Variants in NCOA1 observed in about 807,000 individuals in gnomAD.
NCOA1 encodes the protein nuclear receptor coactivator 1, also known as Hin-2 protein.
Under a neutral mutation model 150.9 loss-of-function variants are expected in NCOA1, and 35 were observed. The observed-to-expected ratio is 0.23, with a 90% CI of 0.18 to 0.31. The LOEUF is 0.31. Among genes scored for constraint, NCOA1 ranks in the 10% least tolerant of loss-of-function variants. The pLI is 1.00. For missense variants in NCOA1, 1,491 were observed against 1,749.3 expected, an observed-to-expected ratio of 0.85 and a Z score of 2.63; for synonymous variants, 590 against 630.0, an observed-to-expected ratio of 0.94 and a Z score of 0.95.
intron 7 of NCOA1, among the ~76,000 whole-genome samples, chr2:24,679,186 T>C (rs1672051637): frequency 6.6e-6 from 1 of 152,216 alleles, no homozygotes; most frequent in Admixed American, 6.5e-5. Flanking sequence ...CTCAGATTGA[T>C]TACTGAATGC....
Position 24,707,881 on chromosome 2 carries a change from A to G in NCOA1, c.2411A>G (p.Gln804Arg), listed in dbSNP as rs758160275. The change falls in exon 13 of 23, where the codon CAG (glutamine) becomes CGG (arginine). Residue 804 changes from glutamine to arginine, a missense_variant. Around this residue, in one of 8 missense-constraint regions of NCOA1, gnomAD observed 703 missense variants for 717.7 expected, o/e 0.98. Transcript: ENST00000348332. ...CCTGAGGAAATAAAACTGGAGGCCC[A>G]GAGCCAGGTGGGTAACTGCTTGCTT... is the stretch of plus-strand genomic sequence containing the variant. ...PTPEEIKLEA[Q>R]SQFTADLDQF... 7 of 1,585,048 alleles carry G rather than the reference A, an allele frequency of 4.4e-6. No homozygotes were observed. In the Admixed American group the frequency reaches 1.2e-4, roughly 26 times the overall value.
intron 2 of NCOA1, among the ~76,000 whole-genome samples, chr2:24,575,508 C>G (rs1666916208): frequency 1.3e-5 from 2 of 151,422 alleles, no homozygotes; most frequent in Non-Finnish European, 2.9e-5. Context: ...TTTTGATTGT[C>G]AGACATTGTA....
intron 4 of NCOA1, among the ~76,000 whole-genome samples, chr2:24,647,232 G>A (rs1377874465): frequency 6.6e-6 from 1 of 152,136 alleles, no homozygotes; most frequent in Non-Finnish European, 1.5e-5. Context: ...GGGCTATATT[G>A]ATGGGTTTTC....
At chr2:24,684,915 A>T (rs1450398549) in intron 8 of NCOA1, among the ~76,000 whole-genome samples, 2 of 152,288 alleles carry the variant, frequency 1.3e-5, no homozygotes, top group East Asian at 3.9e-4. Context: ...GGAGAAAATA[A>T]ATTATAGTAC....
intron 1 of NCOA1, among the ~76,000 whole-genome samples, chr2:24,547,937 C>T (rs780155527): frequency 6.9e-5 from 9 of 131,014 alleles, no homozygotes; most frequent in South Asian, 2.4e-4. Flanking sequence ...TGCAGTGAGC[C>T]GAGATCGCAC....
chr2:24,660,725 C>T (rs1173375442), intron 5 of NCOA1, among the ~76,000 whole-genome samples: 2 of 152,032 alleles, frequency 1.3e-5, no homozygotes, highest in African/African-American at 4.8e-5. Flanking sequence ...ACAGCCAGCC[C>T]TGCAGCAAAT....
Position 24,547,548 on chromosome 2 carries a change from A to C in NCOA1, c.-395-16747A>C, listed in dbSNP as rs962089881. On this transcript the variant is annotated intron_variant, in intron 1 of 22. Coordinates refer to ENST00000348332, the MANE Select transcript of NCOA1 (RefSeq NM_003743.5). ...AGCACAGTTTAGCAAAGACTATCATAATTTAAAATGCAGATACTCTTTGAC... is the reference window on the plus strand; with the variant it reads ...AGCACAGTTTAGCAAAGACTATCATCATTTAAAATGCAGATACTCTTTGAC... Among the ~76,000 whole-genome samples, 7 of 152,300 alleles carry C rather than the reference A, an allele frequency of 4.6e-5. No homozygotes were observed. The East Asian group carries it at 1.4e-3, about 29-fold the overall frequency.
intron 7 of NCOA1, 107 bp from the exon 8 acceptor site, chr2:24,682,844 C>A: frequency 3.4e-6 from 3 of 883,354 alleles, no homozygotes; most frequent in Non-Finnish European, 5.0e-6. Flanking sequence ...GGACAGAGAC[C>A]AGGTCTTGAC....
At chr2:24,518,309 A>G (rs1172459245) in intron 1 of NCOA1, among the ~76,000 whole-genome samples, 1 of 152,196 alleles carries the variant, frequency 6.6e-6, no homozygotes, top group Non-Finnish European at 1.5e-5. Flanking sequence ...AAGAATTCTC[A>G]GCAAATTAGA....
intron 1 of NCOA1, among the ~76,000 whole-genome samples, chr2:24,507,044 T>A (rs1008384200): frequency 1.1e-4 from 16 of 152,252 alleles, no homozygotes; most frequent in Non-Finnish European, 1.9e-4. Flanking sequence ...CTTGTTGATG[T>A]TGTTACTACT....
chr2:24,616,139 A>G (rs550733168), intron 3 of NCOA1, among the ~76,000 whole-genome samples: 1 of 152,288 alleles, frequency 6.6e-6, no homozygotes, highest in East Asian at 1.9e-4. Flanking sequence ...GTTATACATT[A>G]GAGGAAGAGA....
chr2:24,715,818 C>T (rs748347384), intron 14 of NCOA1, among the ~76,000 whole-genome samples: 2 of 152,036 alleles, frequency 1.3e-5, no homozygotes, highest in Non-Finnish European at 2.9e-5. Context: ...CCAAAATCAA[C>T]CCATGTAAAT....
intron 20 of NCOA1, among the ~76,000 whole-genome samples, chr2:24,754,404 A>G (rs937504534): frequency 6.6e-6 from 1 of 152,240 alleles, no homozygotes; most frequent in African/African-American, 2.4e-5. Flanking sequence ...TCACTCTGCC[A>G]CAATGGCTTC....
rs142339584 is a variant in NCOA1, at chr2:24,718,175, C to T, written c.2599+7064C>T. Among the ~76,000 whole-genome samples, 8 of 152,246 alleles carry T rather than the reference C, an allele frequency of 5.3e-5. No homozygotes were observed. The East Asian group carries it at 1.4e-3, about 26-fold the overall frequency. On this transcript the variant is annotated intron_variant, in intron 14 of 22. Coordinates refer to ENST00000348332, the MANE Select transcript of NCOA1 (RefSeq NM_003743.5). ...TTGGCTTCCCAAAGTGCCAGGATTA[C>T]AGGTGTGACCCACTGCTCCCGGCCA... is the stretch of plus-strand genomic sequence containing the variant.
chr2:24,572,442 T>G (rs914965740), intron 2 of NCOA1, among the ~76,000 whole-genome samples: 9 of 152,172 alleles, frequency 5.9e-5, no homozygotes, highest in Non-Finnish European at 1.0e-4. Context: ...GGTTCCTCTT[T>G]AGCCAATTGC....
intron 3 of NCOA1, among the ~76,000 whole-genome samples, chr2:24,592,403 T>G (rs998087589): frequency 8.5e-5 from 13 of 152,088 alleles, no homozygotes; most frequent in African/African-American, 2.9e-4. Context: ...CAAGGTAAAA[T>G]GATCCCTTGA....
At chr2:24,605,993 G>A (rs1668344720) in intron 3 of NCOA1, among the ~76,000 whole-genome samples, 1 of 152,100 alleles carries the variant, frequency 6.6e-6, no homozygotes, top group African/African-American at 2.4e-5. Context: ...TAATTTTAAA[G>A]AGCGTGCTTC....
chr2:24,734,177 CAA>C (rs933051944), intron 17 of NCOA1, among the ~76,000 whole-genome samples: 20 of 67,944 alleles, frequency 2.9e-4, no homozygotes, highest in Admixed American at 3.4e-4. Context: ...AACTCCATCT[CAA>C]AAAAAAAAAA....
At chr2:24,658,623 A>T in intron 4 of NCOA1, 38 bp from the exon 5 acceptor site, 1 of 1,501,544 alleles carries the variant, frequency 6.7e-7, no homozygotes, top group South Asian at 1.1e-5. Context: ...TGGAAAGGTC[A>T]TAAGGGTAGA....
Sources: allele counts gnomAD v4.1 joint callset (sites outside exome capture counted in the v4.1 genomes callset), GRCh38; gene constraint gnomAD v4.1.1; regional missense constraint gnomAD v4.1.1; transcripts MANE v1.5; gene names NCBI Gene and HGNC (gene_info 2026-07-23, HGNC 2026-07-21).